Variants in RPGRIP1L observed in about 807,000 individuals in gnomAD.
RPGRIP1L encodes RPGRIP1 like.
In RPGRIP1L, 131 loss-of-function variants were observed where a neutral mutation model predicts 160.4. The ratio of observed to expected loss-of-function variants is 0.82; its 90% CI spans 0.71 to 0.94. RPGRIP1L has a LOEUF of 0.94. Ranked by LOEUF, RPGRIP1L falls within the 40% of genes least tolerant of loss-of-function variation. The pLI, the probability that RPGRIP1L is intolerant of heterozygous loss-of-function variation, is 0.00. For missense variants in RPGRIP1L, 1,522 were observed against 1,535.8 expected (o/e 0.99, Z 0.15); for synonymous variants, 510 against 515.8 (o/e 0.99, Z 0.15).
At chr16:53,626,292 G>A (rs927564662) in intron 22 of RPGRIP1L, among the ~76,000 whole-genome samples, 1 of 151,832 alleles carries the variant, frequency 6.6e-6, no homozygotes, top group Non-Finnish European at 1.5e-5. Flanking sequence ...AGAATTACTA[G>A]AGCAACATGA....
At chr16:53,689,671 C>T (rs1334245054) in intron 4 of RPGRIP1L, among the ~76,000 whole-genome samples, 1 of 152,144 alleles carries the variant, frequency 6.6e-6, no homozygotes, top group Admixed American at 6.5e-5. Flanking sequence ...AGCCAGCCAT[C>T]CCAGGCTGAG....
chr16:53,599,511 T>C lies in RPGRIP1L; in HGVS notation c.*2565A>G, dbSNP rs1272413162. The C allele has an allele frequency of 6.6e-6, 1 of 152,222 alleles. No homozygotes were observed. Among genetic ancestry groups the C allele is most frequent in the Non-Finnish European group, 1.5e-5 (1 of 68,054 alleles). The allele number at this position is 152,222 out of a possible 1,614,324, so 9.4% of individuals were successfully genotyped here. A position where few individuals can be genotyped will look rare whatever the true frequency, so the allele number is the denominator to read the frequency against. ...CCCACATACCACATCACATCTCTATTTGTATTTCCAAACTAAAAGCATTAC... is the reference window on the plus strand; with the variant it reads ...CCCACATACCACATCACATCTCTATCTGTATTTCCAAACTAAAAGCATTAC... On this transcript the variant is annotated 3_prime_UTR_variant, in exon 27 of 27. Transcript: ENST00000647211.
At chr16:53,692,551 T>C (rs1170438699) in intron 3 of RPGRIP1L, among the ~76,000 whole-genome samples, 187 bp from the exon 4 acceptor site, 4 of 152,224 alleles carry the variant, frequency 2.6e-5, no homozygotes, top group African/African-American at 9.6e-5. Context: ...GGCAACAATC[T>C]GCTTTATAGC....
chr16:53,614,837 CAT>C (rs1347608290), intron 24 of RPGRIP1L, among the ~76,000 whole-genome samples: 2 of 152,160 alleles, frequency 1.3e-5, no homozygotes, highest in Admixed American at 1.3e-4. Flanking sequence ...TTACTGAAAG[CAT>C]ATGTCTCAAA....
intron 14 of RPGRIP1L, 37 bp downstream of exon 14, chr16:53,656,435 C>T (rs913455845): frequency 3.2e-6 from 4 of 1,264,518 alleles, no homozygotes; most frequent in Admixed American, 1.7e-5. Flanking sequence ...ATCCATTCCT[C>T]TAGTTACTGT....
At chr16:53,687,826 C>T (rs1970125393) in intron 5 of RPGRIP1L, 37 bp downstream of exon 5, 5 of 1,278,268 alleles carry the variant, frequency 3.9e-6, no homozygotes, top group Non-Finnish European at 5.7e-6. Context: ...TTATCAATAA[C>T]CAAAGTTCTC....
intron 22 of RPGRIP1L, among the ~76,000 whole-genome samples, chr16:53,623,278 T>C (rs573306548): frequency 2.0e-5 from 3 of 152,276 alleles, no homozygotes; most frequent in South Asian, 2.1e-4. Flanking sequence ...TGGTAGCCGA[T>C]TGATGAGCGT....
chr16:53,659,021 C>T (rs1598346046), intron 10 of RPGRIP1L, 143 bp from the exon 11 acceptor site: 3 of 700,420 alleles, frequency 4.3e-6, no homozygotes, highest in Non-Finnish European at 4.9e-6. Flanking sequence ...AGCACCTCGA[C>T]AAAGACAGCA....
intron 22 of RPGRIP1L, among the ~76,000 whole-genome samples, chr16:53,631,552 T>C (rs1965520678): frequency 6.6e-6 from 1 of 152,242 alleles, no homozygotes; most frequent in Non-Finnish European, 1.5e-5. Flanking sequence ...TGTTAATTTT[T>C]TTTAATGCCA....
intron 14 of RPGRIP1L, among the ~76,000 whole-genome samples, chr16:53,656,002 G>GAGC (rs1447900307): frequency 6.6e-6 from 1 of 152,224 alleles, no homozygotes; most frequent in Non-Finnish European, 1.5e-5. Context: ...TATCTGCAAA[G>GAGC]AGCAGGTGGA....
At position 53,700,640 on chromosome 16, in the gene RPGRIP1L, T is replaced by G; in HGVS notation, c.84A>C (p.Gln28His). The G allele has an allele frequency of 6.2e-7, 1 of 1,610,204 alleles. No individual in the cohort carries two copies. The highest frequency in any genetic ancestry group is 8.5e-7 in the Non-Finnish European group (1 of 1,177,026). ...GTAATAAATAACAGCTGGCCATACC[T>G]TGTAACCCTCCCATTCCAAAGAGGT... The part of the protein sequence containing the change: ...GLNLFGMGGL[Q>H]ETSTTRTMKS... The change falls in exon 2 of 27, where the codon CAA becomes CAC. Residue 28 changes from glutamine (Q) to histidine (H), a missense_variant and splice_region_variant. Transcript: ENST00000647211.
intron 6 of RPGRIP1L, among the ~76,000 whole-genome samples, chr16:53,685,676 T>TG (rs1409282721): frequency 3.5e-5 from 3 of 86,336 alleles, no homozygotes; most frequent in Middle Eastern, 4.6e-3. Flanking sequence ...ACACATAGGG[T>TG]GGGGGGAACA....
At chr16:53,616,825 ACTTTGG>A (rs1396146679) in intron 24 of RPGRIP1L, among the ~76,000 whole-genome samples, 3 of 152,088 alleles carry the variant, frequency 2.0e-5, no homozygotes, top group African/African-American at 7.2e-5. Context: ...TAATACCAGC[ACTTTGG>A]GAGGCTGAGG....
chr16:53,646,543 G>A (rs1227343412), intron 16 of RPGRIP1L, among the ~76,000 whole-genome samples: 2 of 152,178 alleles, frequency 1.3e-5, no homozygotes, highest in Non-Finnish European at 2.9e-5. Context: ...CCAGGACCGG[G>A]AGGATACTTC....
intron 22 of RPGRIP1L, among the ~76,000 whole-genome samples, chr16:53,625,316 G>A (rs1413821706): frequency 6.6e-6 from 1 of 151,122 alleles, no homozygotes; most frequent in Non-Finnish European, 1.5e-5. Context: ...TGGGATGTGG[G>A]GAGCGCCTCC....
chr16:53,634,525 G>A (rs1965711091), intron 22 of RPGRIP1L, among the ~76,000 whole-genome samples: 1 of 152,174 alleles, frequency 6.6e-6, no homozygotes, highest in Non-Finnish European at 1.5e-5. Context: ...GTGGCAGTGT[G>A]GGGAGGTGGA....
intron 3 of RPGRIP1L, chr16:53,695,122 G>A (rs1970655335): frequency 3.6e-6 from 2 of 550,284 alleles, no homozygotes; most frequent in Non-Finnish European, 6.5e-6. Flanking sequence ...TTACTAATGA[G>A]GTCAAGGATG....
chr16:53,606,359 G>A (rs1457967844), intron 25 of RPGRIP1L, among the ~76,000 whole-genome samples: 1 of 152,174 alleles, frequency 6.6e-6, no homozygotes, highest in Non-Finnish European at 1.5e-5. Context: ...TGGCAGCATA[G>A]CTTAAACCAT....
rs201569885 is a variant in RPGRIP1L at position 53,610,958 on chromosome 16, A to G, written c.3701+9T>C. The G allele has an allele frequency of 2.5e-6, 4 of 1,589,958 alleles. No individual in the cohort carries two copies. The highest frequency in any genetic ancestry group is 3.3e-5 in the Admixed American group (2 of 59,990). On this transcript the variant is annotated intron_variant, in intron 25 of 26. Transcript: ENST00000647211. ...AAACCATTAGATTATTTGGACTGCC[A>G]AAACATACCTTCTATTAGGCATCTC...
Sources: allele counts gnomAD v4.1 joint callset (sites outside exome capture counted in the v4.1 genomes callset), GRCh38; gene constraint gnomAD v4.1.1; transcripts MANE v1.5; gene names NCBI Gene and HGNC (gene_info 2026-07-23, HGNC 2026-07-21).